CAD: variants seen among roughly 807,000 people sequenced by gnomAD.
CAD encodes the protein carbamoyl-phosphate synthetase 2, aspartate transcarbamylase, and dihydroorotase, also known as multifunctional protein CAD.
CAD carries 81 observed loss-of-function variants against 237.2 expected under a neutral mutation model. That is an observed-to-expected ratio of 0.34 (90% CI 0.29 to 0.41). CAD has a LOEUF of 0.41. Ranked by LOEUF, CAD falls within the 10% of genes least tolerant of loss-of-function variation. The pLI is 1.00. For synonymous variants in CAD, 1,196 were observed against 1,162.8 expected, an observed-to-expected ratio of 1.03 and a Z score of -0.58; for missense variants, 2,181 against 2,951.7, an observed-to-expected ratio of 0.74 and a Z score of 6.05.
Position 27,225,941 on chromosome 2 carries a change from G to T in CAD, c.1842+15G>T. On this transcript the variant is annotated intron_variant, in intron 12 of 43. Transcript: ENST00000264705. ...ACTGTGTCACGGTGAGTGAATGGGG[G>T]AAGGGTGGGCGTCGTGTCAGGCAGG... 4.4e-6 allele frequency: 7 copies of T among 1,607,984 alleles called. No individual in the cohort carries two copies. Among genetic ancestry groups the T allele is most frequent in the Non-Finnish European group, 6.0e-6 (7 of 1,174,304 alleles).
At position 27,240,386 on chromosome 2, in the gene CAD, A is replaced by G; in HGVS notation, c.5593+25A>G. The G allele has an allele frequency of 1.2e-6, 2 of 1,602,032 alleles. No individual in the cohort carries two copies. Among genetic ancestry groups the G allele is most frequent in the South Asian group, 2.2e-5 (2 of 90,838 alleles). On this transcript the variant is annotated intron_variant, in intron 35 of 43. Transcript: ENST00000264705. This position sits in a 1 kb window ranked among gnomAD's most constrained non-coding sequence, Gnocchi z 4.6. Reference sequence around the variant, plus strand: ...GGTAAGAGTGGGGTTCCTGTGACTCAGAGACTGTGTAGGGACAGGATCCAC... The same window carrying G: ...GGTAAGAGTGGGGTTCCTGTGACTCGGAGACTGTGTAGGGACAGGATCCAC...
chr2:27,243,001 A>T, intron 42 of CAD, 28 bp downstream of exon 42: 2 of 1,552,600 alleles, frequency 1.3e-6, no homozygotes, highest in Non-Finnish European at 1.8e-6. Flanking sequence ...GGAAGAAGCC[A>T]GGGCTGCTGC....
chr2:27,236,180 C>T lies in CAD; in HGVS notation c.4075-104C>T, dbSNP rs760896328. ...CCTCAGTGCCCACCCTATGGGTCCT[C>T]AGTCTCCTCATCATGGGCTCCTGGG... On this transcript the variant is annotated intron_variant, in intron 25 of 43. Coordinates refer to ENST00000264705, the MANE Select transcript of CAD (RefSeq NM_004341.5). The surrounding 1 kb of genome is among the most constrained non-coding windows in gnomAD (Gnocchi z 4.1). 1.4e-6 allele frequency: 2 copies of T among 1,480,300 alleles called. No homozygotes were observed. The highest frequency in any genetic ancestry group is 1.8e-6 in the Non-Finnish European group (2 of 1,096,198). The allele number at this position is 1,480,300 out of a possible 1,614,324, so 91.7% of individuals were successfully genotyped here. A position where few individuals can be genotyped will look rare whatever the true frequency, so the allele number is the denominator to read the frequency against.
At chr2:27,227,362 T>G (rs1675489127) in intron 15 of CAD, 1 of 176,768 alleles carries the variant, frequency 5.7e-6, no homozygotes, top group Non-Finnish European at 1.2e-5. Context: ...CATGTTAGAA[T>G]TGAGTTAGTA....
In CAD at chr2:27,225,000, C is replaced by G. The variant is rs767836058; in HGVS notation, c.1387-10C>G. The G allele has an allele frequency of 2.5e-6, 4 of 1,607,560 alleles. No individual in the cohort carries two copies. In the East Asian group the frequency reaches 8.9e-5, roughly 36 times the overall value. On this transcript the variant is annotated splice_polypyrimidine_tract_variant and intron_variant, in intron 10 of 43. Transcript: ENST00000264705. ...GTTCTGATGCCTGTAACTCCCCTCT[C>G]CATCCTCAGGTGATACGTAATGAAC...
In CAD at chr2:27,217,473, C is replaced by A; in HGVS notation, c.-79C>A. The stretch of plus-strand genomic sequence containing the variant: ...AGCCACGTGGACCGACTCCGGCGCG[C>A]CGTCCTCACGTGGTTCCAGTGGAGT... On this transcript the variant is annotated 5_prime_UTR_variant, in exon 1 of 44. Transcript: ENST00000264705. 1 of 1,257,432 alleles carries A rather than the reference C, an allele frequency of 8.0e-7. No homozygotes were observed. Among genetic ancestry groups the A allele is most frequent in the Non-Finnish European group, 1.1e-6 (1 of 880,422 alleles). The allele number at this position is 1,257,432 out of a possible 1,614,324, so 77.9% of individuals were successfully genotyped here.
At chr2:27,228,369 T>C (rs1429840947) in intron 15 of CAD, among the ~76,000 whole-genome samples, 4 of 152,192 alleles carry the variant, frequency 2.6e-5, no homozygotes, top group Admixed American at 2.6e-4. Context: ...GCTATAAAAT[T>C]TGTGTTACCT....
In CAD at chr2:27,232,628, C is replaced by T. The variant is rs767221200; in HGVS notation, c.2826C>T (p.Val942=). Residue 942 remains valine (V), a synonymous_variant, in exon 18 of 44, where the codon GTC becomes GTT. Transcript: ENST00000264705. This position sits in a 1 kb window ranked among gnomAD's most constrained non-coding sequence, Gnocchi z 4.1. ...TPHVLVLGSG[V]YRIGSSVEFD... ...ATGTCCTAGTCCTTGGCTCTGGCGT[C>T]TACCGTATTGGCTCTAGCGTTGAAT... 5.0e-6 allele frequency: 8 copies of T among 1,614,240 alleles called. No homozygotes were observed. Among genetic ancestry groups the T allele is most frequent in the South Asian group, 1.1e-5 (1 of 91,088 alleles).
Position 27,225,778 on chromosome 2 carries a change from C to T in CAD, c.1694C>T (p.Ser565Phe). 6.2e-7 allele frequency: 1 copy of T among 1,614,208 alleles called. No homozygotes were observed. The highest frequency in any genetic ancestry group is 8.5e-7 in the Non-Finnish European group (1 of 1,180,030). The change falls in exon 12 of 44, where the codon TCT becomes TTT. Residue 565 changes from serine (S) to phenylalanine (F), a missense_variant. By Grantham distance (155) the Ser-to-Phe change is radical. Around this residue, in one of 12 missense-constraint regions of CAD, gnomAD observed 174 missense variants for 215.8 expected, o/e 0.81. Transcript: ENST00000264705. ...GCCTTTGCCCTGGGTGGCCTGGGCT[C>T]TGGCTTTGCCTCTAACAGGGAGGAG... The part of the protein sequence containing the change: ...RAAFALGGLG[S>F]GFASNREELS...
chr2:27,238,478 C>T lies in CAD; in HGVS notation c.4908C>T (p.Cys1636=), dbSNP rs766496039. ...AAKARGLPVT[C]EVAPHHLFLS... ...AGGCACGGGGCTTGCCAGTGACCTGCGAGGTGGCTCCCCACCACCTGTTCC... is the reference window on the plus strand; with the variant it reads ...AGGCACGGGGCTTGCCAGTGACCTGTGAGGTGGCTCCCCACCACCTGTTCC... The change falls in exon 31 of 44, where the codon TGC becomes TGT. Residue 1636 remains cysteine, a synonymous_variant. Coordinates refer to ENST00000264705, the MANE Select transcript of CAD (RefSeq NM_004341.5). The T allele has an allele frequency of 2.5e-5, 40 of 1,606,598 alleles. No homozygotes were observed. Among genetic ancestry groups the T allele is most frequent in the Non-Finnish European group, 3.1e-5 (37 of 1,176,550 alleles).
At chr2:27,234,367 C>A in intron 22 of CAD, 141 bp downstream of exon 22, 2 of 1,117,334 alleles carry the variant, frequency 1.8e-6, no homozygotes, top group South Asian at 1.4e-5. Context: ...GTAGCTAGAG[C>A]TCATGGTGTT....
chr2:27,222,297 C>T lies in CAD; in HGVS notation c.456C>T (p.Asp152=). ...GTEPSSLPFL[D]PNARPLVPEV... ...AACCTTCATCCCTGCCATTCTTGGA[C>T]CCCAATGCCCGCCCCCTGGTACCAG... is the stretch of plus-strand genomic sequence containing the variant. Residue 152 remains aspartate (D), a synonymous_variant, in exon 4 of 44, where the codon GAC becomes GAT. Coordinates refer to ENST00000264705, the MANE Select transcript of CAD (RefSeq NM_004341.5). The T allele has an allele frequency of 1.9e-6, 3 of 1,613,290 alleles. No individual in the cohort carries two copies. Among genetic ancestry groups the T allele is most frequent in the Non-Finnish European group, 2.5e-6 (3 of 1,179,360 alleles).
At position 27,240,312 on chromosome 2, in the gene CAD, C is replaced by A; in HGVS notation, c.5544C>A (p.Arg1848=). 6.2e-7 allele frequency: 1 copy of A among 1,614,140 alleles called. No individual in the cohort carries two copies. Residue 1848 remains arginine, a synonymous_variant, in exon 35 of 44, where the codon CGC becomes CGA. Coordinates refer to ENST00000264705, the MANE Select transcript of CAD (RefSeq NM_004341.5). This position sits in a 1 kb window ranked among gnomAD's most constrained non-coding sequence, Gnocchi z 4.6. ...GCATCCCAGGGCTTCCTGATGGCCGCTTCCATCTGCCGCCCCGAATCCATC... is the reference window on the plus strand; with the variant it reads ...GCATCCCAGGGCTTCCTGATGGCCGATTCCATCTGCCGCCCCGAATCCATC... ...RRGIPGLPDG[R]FHLPPRIHRA...
In CAD at chr2:27,218,022, C is replaced by A; in HGVS notation, c.222+6C>A. The A allele has an allele frequency of 6.3e-7, 1 of 1,590,424 alleles. No homozygotes were observed. Among genetic ancestry groups the A allele is most frequent in the Non-Finnish European group, 8.5e-7 (1 of 1,170,146 alleles). On this transcript the variant is annotated splice_donor_region_variant and intron_variant, in intron 2 of 43. Transcript: ENST00000264705. ...ATGAGTTCGGTCTCTGCAAGGTAGC[C>A]ACACCCAGTGCTTTCTCTACATTCC... is the stretch of plus-strand genomic sequence containing the variant.
Position 27,235,758 on chromosome 2 carries a change from A to G in CAD, c.4074+118A>G. ...CATATACCTGTAGTCCCAGATACTC[A>G]GGAGGCTAAGGCAGGAGAATCTCTT... On this transcript the variant is annotated intron_variant, in intron 25 of 43. Coordinates refer to ENST00000264705, the MANE Select transcript of CAD (RefSeq NM_004341.5). The surrounding 1 kb of genome is among the most constrained non-coding windows in gnomAD (Gnocchi z 5.2). 1 of 779,470 alleles carries G rather than the reference A, an allele frequency of 1.3e-6. No individual in the cohort carries two copies. The highest frequency in any genetic ancestry group is 2.5e-5 in the Admixed American group (1 of 40,608). 48.3% of individuals were successfully genotyped at this position (779,470 alleles called of 1,614,324 possible). A position where few individuals can be genotyped will look rare whatever the true frequency, so the allele number is the denominator to read the frequency against.
At chr2:27,229,143 C>G (rs572556481) in intron 15 of CAD, among the ~76,000 whole-genome samples, 1 of 152,016 alleles carries the variant, frequency 6.6e-6, no homozygotes, top group South Asian at 2.1e-4. Context: ...TGGTCTCGAT[C>G]TCTTAACCTC....
chr2:27,235,246 T>C lies in CAD; in HGVS notation c.3788T>C (p.Val1263Ala), dbSNP rs2148081768. Residue 1263 changes from valine (V) to alanine (A), a missense_variant and splice_region_variant, in exon 24 of 44, where the codon GTG (valine) becomes GCG (alanine). Val to Ala is a moderately conservative substitution (Grantham distance 64). Around this residue, in one of 12 missense-constraint regions of CAD, gnomAD observed 306 missense variants for 607.9 expected, o/e 0.50. Transcript: ENST00000264705. This position sits in a 1 kb window ranked among gnomAD's most constrained non-coding sequence, Gnocchi z 5.2. Reference sequence around the variant, plus strand: ...CTCTCTTCCCTCCCGCCCCTTTAGGTGCCTCAGTTCTCCTTCTCCCGCTTG... The same window carrying C: ...CTCTCTTCCCTCCCGCCCCTTTAGGCGCCTCAGTTCTCCTTCTCCCGCTTG... ...MTGSGVVGVK[V>A]PQFSFSRLAG... 2 of 1,603,614 alleles carry C rather than the reference T, an allele frequency of 1.2e-6. No homozygotes were observed. Among genetic ancestry groups the C allele is most frequent in the Non-Finnish European group, 1.7e-6 (2 of 1,174,512 alleles).
At position 27,242,245 on chromosome 2, in the gene CAD, A is replaced by G. The variant is rs564265563; in HGVS notation, c.6097-57A>G. ...AGTGAGGGGACCCCAGAAGAGGGGG[A>G]CTGGCAGTTGGGGGGCCTCTGAGCT... On this transcript the variant is annotated intron_variant, in intron 39 of 43. Coordinates refer to ENST00000264705, the MANE Select transcript of CAD (RefSeq NM_004341.5). This position sits in a 1 kb window ranked among gnomAD's most constrained non-coding sequence, Gnocchi z 6.4. 4 of 1,584,036 alleles carry G rather than the reference A, an allele frequency of 2.5e-6. No individual in the cohort carries two copies. The East Asian group carries it at 6.8e-5, about 27-fold the overall frequency.
intron 3 of CAD, 97 bp downstream of exon 3, chr2:27,221,444 T>A (rs1225674052): frequency 4.5e-6 from 5 of 1,118,886 alleles, no homozygotes; most frequent in Non-Finnish European, 5.8e-6. Flanking sequence ...GACTCTAAGA[T>A]TGTGATAGTT....
Sources: gnomAD v4.1 joint callset for allele counts (sites outside exome capture counted in the v4.1 genomes callset) on GRCh38, gnomAD v4.1.1 for gene constraint, gnomAD v4.1.1 regional missense constraint, Gnocchi (gnomAD v3.1) non-coding constraint, MANE v1.5 for transcripts, NCBI Gene and HGNC (gene_info 2026-07-23, HGNC 2026-07-21) for gene names.